Variants in MTUS1 observed in about 807,000 individuals in gnomAD.
MTUS1 encodes microtubule associated scaffold protein 1.
A neutral mutation model predicts 120.8 loss-of-function variants in MTUS1; 109 were observed. The observed-to-expected ratio is 0.90, with a 90% confidence interval of 0.77 to 1.06. The LOEUF (loss-of-function observed/expected upper bound fraction) is 1.06, where lower values mean the gene tolerates loss of function less well. Among genes scored for constraint, MTUS1 ranks in the 50% least tolerant of loss-of-function variants. MTUS1 has a pLI of 0.00. For missense variants in MTUS1, 2,210 were observed against 1,486.3 expected, an observed-to-expected ratio of 1.49 and a Z score of -8.01; for synonymous variants, 737 against 550.5, an observed-to-expected ratio of 1.34 and a Z score of -4.74.
At chr8:17,740,898 T>C (rs987000998) in intron 3 of MTUS1, among the ~76,000 whole-genome samples, 2 of 152,146 alleles carry the variant, frequency 1.3e-5, no homozygotes, top group Non-Finnish European at 1.5e-5. Flanking sequence ...AGAGTTTCGC[T>C]CTTGCTACCC....
At position 17,696,151 on chromosome 8, in the gene MTUS1, G is replaced by T. The variant is rs371791918; in HGVS notation, c.2624-11609C>A. 7.2e-5 allele frequency among the ~76,000 whole-genome samples: 11 copies of T among 152,274 alleles called. No individual in the cohort carries two copies. The South Asian group carries it at 1.9e-3, about 26-fold the overall frequency. On this transcript the variant is annotated intron_variant, in intron 6 of 14. Coordinates refer to ENST00000693296, the MANE Select transcript of MTUS1 (RefSeq NM_001363059.2). ...GAGCTGGGAGAGGAGGGCCACTGCTGACCTCCTCCTCGCTGCCTCCCCCCA... is the reference window on the plus strand; with the variant it reads ...GAGCTGGGAGAGGAGGGCCACTGCTTACCTCCTCCTCGCTGCCTCCCCCCA...
intron 6 of MTUS1, chr8:17,708,647 T>A (rs1215553736): frequency 6.6e-6 from 1 of 152,214 alleles, no homozygotes; most frequent in Non-Finnish European, 1.5e-5. Context: ...CTATCTTTTT[T>A]CCCCAGATAT....
At chr8:17,684,194 ATGTAATGGGATGAATGACACC>A (rs1815237481) in intron 7 of MTUS1, 113 bp downstream of exon 7, 1 of 667,246 alleles carries the variant, frequency 1.5e-6, no homozygotes, top group African/African-American at 1.8e-5. Flanking sequence ...AGTGACAAAA[ATGTAATGGGATGAATGACACC>A]TGATCTTTCC....
Position 17,774,993 on chromosome 8 carries a change from AC to A in MTUS1, c.-154-19033del, listed in dbSNP as rs1326006188. On this transcript the variant is annotated intron_variant, in intron 1 of 14. Transcript: ENST00000693296. ...AAGTAAAAAAAAAAAAAAAAAAAAA[AC>A]CAGAAAAGGACAAATATTGGATGAT... 2.4e-4 allele frequency among the ~76,000 whole-genome samples: 35 copies of A among 148,682 alleles called. No individual in the cohort carries two copies. In the South Asian group the frequency reaches 4.2e-3, roughly 18 times the overall value.
intron 8 of MTUS1, among the ~76,000 whole-genome samples, chr8:17,668,101 A>ACCTTT (rs1554470158): frequency 6.6e-6 from 1 of 152,158 alleles, no homozygotes; most frequent in South Asian, 2.1e-4. Flanking sequence ...ATACAAAATA[A>ACCTTT]TCTTCATTAA....
intron 1 of MTUS1, among the ~76,000 whole-genome samples, chr8:17,770,167 C>G (rs979057307): frequency 3.9e-5 from 6 of 152,086 alleles, no homozygotes; most frequent in African/African-American, 1.4e-4. Context: ...CAAAGCAGAG[C>G]CCTGCATTTG....
intron 8 of MTUS1, 72 bp downstream of exon 8, chr8:17,675,114 G>T: frequency 1.2e-6 from 2 of 1,603,632 alleles, no homozygotes; most frequent in South Asian, 1.1e-5. Flanking sequence ...CCACAACGCA[G>T]ACAGGACAAC....
rs890857873 is a variant in MTUS1, at chr8:17,714,433, C to T, written c.2585-1181G>A. On this transcript the variant is annotated intron_variant, in intron 5 of 14. Transcript: ENST00000693296. Reference sequence around the variant, plus strand: ...CCAAAGAGTTTCATGCAGGTTAACCCAGTAATTCCTCCTTCTGGGATATCC... The same window carrying T: ...CCAAAGAGTTTCATGCAGGTTAACCTAGTAATTCCTCCTTCTGGGATATCC... Among the ~76,000 whole-genome samples the T allele has an allele frequency of 2.0e-5, 3 of 152,228 alleles. No individual in the cohort carries two copies. The East Asian group carries it at 5.8e-4, about 29-fold the overall frequency.
intron 6 of MTUS1, among the ~76,000 whole-genome samples, chr8:17,709,132 G>A (rs1200883080): frequency 8.4e-6 from 1 of 119,182 alleles, no homozygotes; most frequent in African/African-American, 3.8e-5. Flanking sequence ...GCAAGACTCT[G>A]CCTCAAAAAA....
chr8:17,779,465 G>T (rs560420065), intron 1 of MTUS1, among the ~76,000 whole-genome samples: 15 of 152,222 alleles, frequency 9.9e-5, no homozygotes, highest in African/African-American at 3.4e-4. Flanking sequence ...CCCATGTTCT[G>T]GTGTTTAAAA....
At chr8:17,679,311 T>A (rs1438862038) in intron 7 of MTUS1, among the ~76,000 whole-genome samples, 1 of 109,360 alleles carries the variant, frequency 9.1e-6, no homozygotes, top group Non-Finnish European at 2.1e-5. Flanking sequence ...ATGTATACAA[T>A]GTGTATCTGT....
At chr8:17,682,417 C>G (rs914968121) in intron 7 of MTUS1, among the ~76,000 whole-genome samples, 2 of 149,430 alleles carry the variant, frequency 1.3e-5, no homozygotes, top group Non-Finnish European at 3.0e-5. Flanking sequence ...ATTCGGGAGG[C>G]TGAGGAAGGA....
chr8:17,755,489 C>T lies in MTUS1; in HGVS notation c.319G>A (p.Ala107Thr), dbSNP rs768930435. 10 of 1,614,140 alleles carry T rather than the reference C, an allele frequency of 6.2e-6. No individual in the cohort carries two copies. In the East Asian group the frequency reaches 1.8e-4, roughly 29 times the overall value. ...TTGGGCTTCTCAGTACCTACAAGTG[C>T]AGGACACTGACAAATAGAATCTTTA... ...MHKDSICQCP[A>T]LVGTEKPKYL... Residue 107 changes from alanine (A) to threonine (T), a missense_variant, in exon 2 of 15, where the codon GCA becomes ACA. Transcript: ENST00000693296.
At chr8:17,785,240 G>T (rs2051208136) in intron 1 of MTUS1, among the ~76,000 whole-genome samples, 1 of 151,858 alleles carries the variant, frequency 6.6e-6, no homozygotes, top group African/African-American at 2.4e-5. Context: ...AGACAAAAAT[G>T]TACAAGTAAA....
chr8:17,723,596 A>G (rs749202863), intron 4 of MTUS1, 76 bp downstream of exon 4: 30 of 1,474,762 alleles, frequency 2.0e-5, no homozygotes, highest in Non-Finnish European at 2.8e-5. Context: ...AAAAATTCTA[A>G]TTATTTGCAG....
At chr8:17,722,441 C>G in intron 4 of MTUS1, 1 of 985,372 alleles carries the variant, frequency 1.0e-6, no homozygotes, top group Non-Finnish European at 1.2e-6. Context: ...TCAGAGTTCC[C>G]TCTTACATGC....
Position 17,794,123 on chromosome 8 carries a change from T to A in MTUS1, c.-155+6938A>T, listed in dbSNP as rs147406346. On this transcript the variant is annotated intron_variant, in intron 1 of 14. Transcript: ENST00000693296. ...CCGGTGGATCACCTGAGGTCAGGAG[T>A]TCGAGACCAGCCTGATCAACATGGT... Among the ~76,000 whole-genome samples, 1,238 of 151,914 alleles carry A rather than the reference T, an allele frequency of 8.1e-3. 5 individuals are homozygous for A. The highest frequency in any genetic ancestry group is 0.016 in the Admixed American group (243 of 15,266).
At chr8:17,683,802 G>A (rs781100280) in intron 7 of MTUS1, among the ~76,000 whole-genome samples, 1 of 152,174 alleles carries the variant, frequency 6.6e-6, no homozygotes, top group Non-Finnish European at 1.5e-5. Flanking sequence ...AAGAATATTA[G>A]GGAAAAGTAA....
chr8:17,749,013 G>GC (rs965114102), intron 2 of MTUS1, among the ~76,000 whole-genome samples: 1 of 151,908 alleles, frequency 6.6e-6, no homozygotes, highest in African/African-American at 2.4e-5. Context: ...AAAATTCTAA[G>GC]CCCCCCAACC....
Sources: gnomAD v4.1 joint callset for allele counts (sites outside exome capture counted in the v4.1 genomes callset) on GRCh38, gnomAD v4.1.1 for gene constraint, MANE v1.5 for transcripts, NCBI Gene and HGNC (gene_info 2026-07-23, HGNC 2026-07-21) for gene names.